EBF2: variants seen among roughly 807,000 people sequenced by gnomAD.
The protein encoded by EBF2 is EBF transcription factor 2, also known as transcription factor COE2.
A neutral mutation model predicts 72.8 loss-of-function variants in EBF2; 21 were observed. The ratio of observed to expected loss-of-function variants is 0.29; its 90% CI spans 0.20 to 0.42. EBF2 has a LOEUF of 0.42. EBF2 is among the 10% of genes least tolerant of loss of function. The pLI is 1.00. For synonymous variants in EBF2, 299 were observed against 274.2 expected, an observed-to-expected ratio of 1.09 and a Z score of -0.89; for missense variants, 637 against 731.2, an observed-to-expected ratio of 0.87 and a Z score of 1.49.
chr8:25,918,209 C>T (rs549793667), intron 6 of EBF2, among the ~76,000 whole-genome samples: 16 of 152,312 alleles, frequency 1.1e-4, no homozygotes, highest in African/African-American at 3.1e-4. Flanking sequence ...TTCTACCTAT[C>T]GCAACTATGG....
chr8:25,904,911 C>T (rs1803011031), intron 7 of EBF2, among the ~76,000 whole-genome samples: 1 of 152,120 alleles, frequency 6.6e-6, no homozygotes, highest in South Asian at 2.1e-4. Context: ...AATGACAACT[C>T]ATGGAATAGG....
chr8:25,992,774 C>T (rs1197636592), intron 6 of EBF2, among the ~76,000 whole-genome samples: 1 of 151,750 alleles, frequency 6.6e-6, no homozygotes, highest in African/African-American at 2.4e-5. Context: ...CTTGGTGGCA[C>T]ATGCCTGTGG....
At chr8:25,848,532 G>T (rs918091085) in intron 15 of EBF2, among the ~76,000 whole-genome samples, 1 of 152,132 alleles carries the variant, frequency 6.6e-6, no homozygotes, top group Non-Finnish European at 1.5e-5. Context: ...GCAGGAAGTG[G>T]GGTGGGGATG....
intron 14 of EBF2, among the ~76,000 whole-genome samples, chr8:25,851,489 A>C (rs1379070921): frequency 6.6e-6 from 1 of 152,158 alleles, no homozygotes; most frequent in Non-Finnish European, 1.5e-5. Flanking sequence ...AAATAAAAGC[A>C]ATTTACATAA....
chr8:25,934,883 G>T (rs932242614), intron 6 of EBF2, among the ~76,000 whole-genome samples: 11 of 147,590 alleles, frequency 7.5e-5, no homozygotes, highest in African/African-American at 2.6e-4. Flanking sequence ...AATCCCCTAC[G>T]TTCTAGCACT....
chr8:25,971,937 CA>C (rs565762738), intron 6 of EBF2, among the ~76,000 whole-genome samples: 1 of 152,198 alleles, frequency 6.6e-6, no homozygotes, highest in Non-Finnish European at 1.5e-5. Flanking sequence ...CTCAGGCGGC[CA>C]GGGCCAGATG....
chr8:26,039,982 G>A (rs889639009), intron 5 of EBF2, 46 bp downstream of exon 5: 21 of 1,597,804 alleles, frequency 1.3e-5, no homozygotes, highest in Non-Finnish European at 1.8e-5. Context: ...CGGGGCTGGA[G>A]CACCTGCGGG....
intron 6 of EBF2, among the ~76,000 whole-genome samples, chr8:26,000,380 G>C (rs981847670): frequency 2.0e-5 from 3 of 152,198 alleles, no homozygotes; most frequent in African/African-American, 7.2e-5. Context: ...GGGGAAGATG[G>C]AGAAGACATG....
At chr8:25,953,437 T>G (rs1803895284) in intron 6 of EBF2, among the ~76,000 whole-genome samples, 2 of 152,202 alleles carry the variant, frequency 1.3e-5, no homozygotes, top group Admixed American at 6.5e-5. Context: ...AGAGAGAGAA[T>G]AAGCTCCTCC....
At chr8:25,996,234 G>A (rs1457544567) in intron 6 of EBF2, among the ~76,000 whole-genome samples, 1 of 150,294 alleles carries the variant, frequency 6.7e-6, no homozygotes, top group Non-Finnish European at 1.5e-5. Context: ...GGTGAAGGTT[G>A]CAGTGAGCCA....
chr8:25,977,000 G>A (rs1375170302), intron 6 of EBF2, among the ~76,000 whole-genome samples: 1 of 152,212 alleles, frequency 6.6e-6, no homozygotes, highest in Non-Finnish European at 1.5e-5. Flanking sequence ...GATTCCAGAT[G>A]TGCAGCAGTG....
chr8:25,876,178 C>T (rs950769694), intron 10 of EBF2, among the ~76,000 whole-genome samples: 28 of 152,100 alleles, frequency 1.8e-4, no homozygotes, highest in African/African-American at 4.3e-4. Flanking sequence ...AACCAAACAC[C>T]GCATGTTCTC....
intron 6 of EBF2, among the ~76,000 whole-genome samples, chr8:25,944,139 G>C (rs775944053): frequency 6.6e-6 from 1 of 152,136 alleles, no homozygotes; most frequent in South Asian, 2.1e-4. Flanking sequence ...GGTACTCTAC[G>C]GAGATAAGAG....
Position 26,045,276 on chromosome 8 carries a change from GA to G in EBF2, c.-418del, listed in dbSNP as rs4055794. 0.043 allele frequency: 6,330 copies of G among 145,926 alleles called. 233 individuals carry two copies. Among genetic ancestry groups the G allele is most frequent in the African/African-American group, 0.097 (3,884 of 39,980 alleles). 9.0% of individuals were successfully genotyped at this position (145,926 alleles called of 1,614,324 possible). ...TGCTCCTCCCCACCGTTCCAATTTA[GA>G]AAAAAAAAAAATCCCCAACAGGATC... On this transcript the variant is annotated 5_prime_UTR_variant, in exon 1 of 16. Transcript: ENST00000520164.
chr8:26,043,789 G>T (rs572374154), intron 1 of EBF2, among the ~76,000 whole-genome samples: 2 of 152,218 alleles, frequency 1.3e-5, no homozygotes, highest in African/African-American at 4.8e-5. Context: ...AAGTTCATCG[G>T]CTCTTTGGGG....
intron 6 of EBF2, among the ~76,000 whole-genome samples, chr8:26,022,543 G>T (rs1298509907): frequency 1.3e-5 from 2 of 152,128 alleles, no homozygotes; most frequent in South Asian, 2.1e-4. Flanking sequence ...GCTACTTAGG[G>T]GCTTTTTAAG....
chr8:25,932,604 T>G (rs964136493), intron 6 of EBF2, among the ~76,000 whole-genome samples: 5 of 152,176 alleles, frequency 3.3e-5, no homozygotes, highest in Non-Finnish European at 7.3e-5. Flanking sequence ...AAAAACAACA[T>G]TGCACAGATT....
rs1196856669 is a variant in EBF2, at chr8:25,858,356, T to C, written c.1491A>G (p.Gly497=). The C allele has an allele frequency of 6.2e-7, 1 of 1,613,952 alleles. No individual in the cohort carries two copies. Among genetic ancestry groups the C allele is most frequent in the East Asian group, 2.2e-5 (1 of 44,880 alleles). ...AGCCGGTGGGTGAGCCATTTAGAAA[T>C]CCTGGTGAACCTGGAACACCCAAGT... ...MANLGVPGSP[G]FLNGSPTGSP... Residue 497 remains glycine (G), a synonymous_variant, in exon 14 of 16, where the codon GGA becomes GGG. Coordinates refer to ENST00000520164, the MANE Select transcript of EBF2 (RefSeq NM_022659.4).
chr8:26,025,715 T>C (rs1805293649), intron 6 of EBF2, among the ~76,000 whole-genome samples: 1 of 152,196 alleles, frequency 6.6e-6, no homozygotes, highest in Non-Finnish European at 1.5e-5. Flanking sequence ...GAGTCCTTTA[T>C]CTTACCTGTA....
Sources: gnomAD v4.1 joint callset for allele counts (sites outside exome capture counted in the v4.1 genomes callset) on GRCh38, gnomAD v4.1.1 for gene constraint, MANE v1.5 for transcripts, NCBI Gene and HGNC (gene_info 2026-07-23, HGNC 2026-07-21) for gene names.